The following TNRC6B variants were observed in gnomAD, a reference collection of about 807,000 sequenced individuals.
TNRC6B encodes the protein trinucleotide repeat-containing gene 6B protein.
In TNRC6B, 52 loss-of-function variants were observed where a neutral mutation model predicts 203.6. The ratio of observed to expected loss-of-function variants is 0.26; its 90% CI spans 0.20 to 0.32. TNRC6B has a LOEUF of 0.32. Ranked by LOEUF, TNRC6B falls within the 10% of genes least tolerant of loss-of-function variation. The pLI is 1.00. For missense variants in TNRC6B, 1,923 were observed against 2,286.2 expected (o/e 0.84, Z 3.24); for synonymous variants, 838 against 845.7 (o/e 0.99, Z 0.16).
rs534642262 is a variant in TNRC6B, at chr22:40,233,500, T to C, written c.6-12515T>C. On this transcript the variant is annotated intron_variant, in intron 1 of 22. Coordinates refer to ENST00000454349, the MANE Select transcript of TNRC6B (RefSeq NM_001162501.2). ...AGCCCAGCGTGGTTTCATGTGCCTGTGGTCCCAGCTACTCAGGAGGCTGAG... is the reference window on the plus strand; with the variant it reads ...AGCCCAGCGTGGTTTCATGTGCCTGCGGTCCCAGCTACTCAGGAGGCTGAG... 3.3e-5 allele frequency among the ~76,000 whole-genome samples: 5 copies of C among 150,892 alleles called. No homozygotes were observed. The South Asian group carries it at 6.3e-4, about 19-fold the overall frequency.
intron 12 of TNRC6B, among the ~76,000 whole-genome samples, chr22:40,287,070 G>A (rs1411948127): frequency 6.6e-6 from 1 of 152,118 alleles, no homozygotes; most frequent in Admixed American, 6.5e-5. Flanking sequence ...GTGCAGTGGT[G>A]TGATCCATAG....
chr22:40,134,856 TA>T (rs2068584960), intron 3 of TNRC6B, among the ~76,000 whole-genome samples: 1 of 152,200 alleles, frequency 6.6e-6, no homozygotes. Context: ...TTCTAAAAAA[TA>T]AAGTTTTCAT....
chr22:40,052,831 T>C (rs1274068093), intron 1 of TNRC6B, among the ~76,000 whole-genome samples: 3 of 152,218 alleles, frequency 2.0e-5, no homozygotes, highest in African/African-American at 7.2e-5. Flanking sequence ...TAGAACAGTT[T>C]CTGACCAGTT....
intron 15 of TNRC6B, among the ~76,000 whole-genome samples, chr22:40,304,646 C>A (rs1387446504): frequency 1.3e-5 from 2 of 152,126 alleles, no homozygotes; most frequent in African/African-American, 2.4e-5. Flanking sequence ...CGAAAATTCT[C>A]ATTATAGTAA....
chr22:40,230,535 A>C (rs1601904188), intron 1 of TNRC6B, among the ~76,000 whole-genome samples: 1 of 151,646 alleles, frequency 6.6e-6, no homozygotes, highest in Non-Finnish European at 1.5e-5. Context: ...CAAGTGATCC[A>C]CTCACATCGG....
intron 2 of TNRC6B, 71 bp from the exon 3 acceptor site, chr22:40,251,108 T>C: frequency 7.4e-7 from 1 of 1,347,846 alleles, no homozygotes; most frequent in Non-Finnish European, 1.0e-6. Context: ...GTTATCAGAC[T>C]AAAGTAGTCT....
chr22:40,270,532 C>T (rs1185331249), intron 6 of TNRC6B, among the ~76,000 whole-genome samples: 1 of 152,034 alleles, frequency 6.6e-6, no homozygotes, highest in African/African-American at 2.4e-5. Context: ...GTTGGTCAGG[C>T]TGGTCTTGAA....
chr22:40,196,042 C>A (rs865989719), intron 1 of TNRC6B, among the ~76,000 whole-genome samples: 1 of 149,908 alleles, frequency 6.7e-6, no homozygotes, highest in South Asian at 2.1e-4. Context: ...CTCCCAAAGT[C>A]CTGGGATTAC....
rs1601530787 is a variant in TNRC6B at position 40,331,500 on chromosome 22, A to G, written c.*8259A>G. On this transcript the variant is annotated 3_prime_UTR_variant, in exon 23 of 23. Transcript: ENST00000454349. ...CCCAAAGAGGAGAACAGTCCCTCCC[A>G]CTCGATTCCTTCAGCTTCATTCAGG... 11 of 367,734 alleles carry G rather than the reference A, an allele frequency of 3.0e-5. No individual in the cohort carries two copies. The East Asian group carries it at 4.1e-4, about 14-fold the overall frequency. 22.8% of individuals were successfully genotyped at this position (367,734 alleles called of 1,614,324 possible).
chr22:40,130,788 A>C (rs1355104710), intron 3 of TNRC6B, among the ~76,000 whole-genome samples: 3 of 151,494 alleles, frequency 2.0e-5, no homozygotes, highest in Admixed American at 6.6e-5. Flanking sequence ...CTAAAAAAAA[A>C]AAAAAAAAAA....
intron 12 of TNRC6B, among the ~76,000 whole-genome samples, chr22:40,287,246 C>T (rs2070798452): frequency 6.6e-6 from 1 of 152,142 alleles, no homozygotes; most frequent in Non-Finnish European, 1.5e-5. Flanking sequence ...TTGACTCCAG[C>T]AGTCCTTCCA....
chr22:40,044,989 C>A (rs1386652036), exon 1 of TNRC6B: 1 of 150,974 alleles, frequency 6.6e-6, no homozygotes, highest in African/African-American at 2.4e-5. Flanking sequence ...GGAGCCGGCA[C>A]GGCTCGGCGG....
At chr22:40,318,550 G>GA (rs1199888827) in intron 21 of TNRC6B, among the ~76,000 whole-genome samples, 1 of 151,408 alleles carries the variant, frequency 6.6e-6, no homozygotes, top group Non-Finnish European at 1.5e-5. Context: ...TCATCTCAGA[G>GA]AAAAAAAAAT....
At chr22:40,285,820 C>T (rs556051036) in intron 12 of TNRC6B, 50 bp downstream of exon 12, 7 of 1,601,324 alleles carry the variant, frequency 4.4e-6, no homozygotes, top group Non-Finnish European at 6.0e-6. Context: ...CATTTCACAT[C>T]ATTACCAGTT....
rs1481267214 is a variant in TNRC6B at position 40,330,604 on chromosome 22, A to C, written c.*7363A>C. 1 of 152,700 alleles carries C rather than the reference A, an allele frequency of 6.5e-6. No homozygotes were observed. Among genetic ancestry groups the C allele is most frequent in the South Asian group, 2.1e-4 (1 of 4,832 alleles). 9.5% of individuals were successfully genotyped at this position (152,700 alleles called of 1,614,324 possible). On this transcript the variant is annotated 3_prime_UTR_variant, in exon 23 of 23. Coordinates refer to ENST00000454349, the MANE Select transcript of TNRC6B (RefSeq NM_001162501.2). Reference sequence around the variant, plus strand: ...TTCTCACCAAGTGATGCATTTTAGCATGACACTTCTTGCCAGAAATTTTGG... The same window carrying C: ...TTCTCACCAAGTGATGCATTTTAGCCTGACACTTCTTGCCAGAAATTTTGG...
chr22:40,246,631 A>G (rs2070111053), intron 2 of TNRC6B, among the ~76,000 whole-genome samples: 1 of 152,240 alleles, frequency 6.6e-6, no homozygotes, highest in Non-Finnish European at 1.5e-5. Flanking sequence ...TTTTGAAAAC[A>G]ACAGTAAACA....
At chr22:40,180,504 G>A (rs1288152573) in intron 1 of TNRC6B, among the ~76,000 whole-genome samples, 1 of 152,178 alleles carries the variant, frequency 6.6e-6, no homozygotes, top group African/African-American at 2.4e-5. Context: ...TAATTAAAAG[G>A]TGAGATAAAT....
rs971941123 is a variant in TNRC6B at position 40,321,386 on chromosome 22, G to A, written c.5114+157G>A. 56 of 875,576 alleles carry A rather than the reference G, an allele frequency of 6.4e-5. No homozygotes were observed. In the South Asian group the frequency reaches 7.9e-4, roughly 12 times the overall value. The allele number at this position is 875,576 out of a possible 1,614,324, so 54.2% of individuals were successfully genotyped here. On this transcript the variant is annotated intron_variant, in intron 22 of 22. Coordinates refer to ENST00000454349, the MANE Select transcript of TNRC6B (RefSeq NM_001162501.2). ...AGTCTCGAGTGTGGAGAGTGTGGAG[G>A]TGCCGGGTCTTTTCCACCAAAGCTT...
intron 5 of TNRC6B, among the ~76,000 whole-genome samples, chr22:40,268,497 G>C (rs1227775604): frequency 2.6e-5 from 4 of 152,110 alleles, no homozygotes; most frequent in Non-Finnish European, 5.9e-5. Context: ...AAAAGAATGA[G>C]GAAGGAAATG....
Sources: allele counts gnomAD v4.1 joint callset (sites outside exome capture counted in the v4.1 genomes callset), GRCh38; gene constraint gnomAD v4.1.1; transcripts MANE v1.5; gene names NCBI Gene and HGNC (gene_info 2026-07-23, HGNC 2026-07-21).